TRIO: variants seen among roughly 807,000 people sequenced by gnomAD.
The protein encoded by TRIO is triple functional domain protein.
Under a neutral mutation model 351.9 loss-of-function variants are expected in TRIO, and 58 were observed. The observed-to-expected ratio is 0.16, with a 90% CI of 0.13 to 0.21. The LOEUF (loss-of-function observed/expected upper bound fraction) is 0.21, where lower values mean the gene tolerates loss of function less well. Among genes scored for constraint, TRIO ranks in the 10% least tolerant of loss-of-function variants. The probability of loss-of-function intolerance (pLI) is 1.00; values close to 1 mark genes in which losing one functional copy is unlikely to be tolerated. For missense variants in TRIO, 3,201 were observed against 4,027.8 expected (o/e 0.79, Z 5.56); for synonymous variants, 1,758 against 1,595.7 (o/e 1.10, Z -2.42).
At chr5:14,300,717 T>C (rs1278828724) in intron 7 of TRIO, among the ~76,000 whole-genome samples, 1 of 152,154 alleles carries the variant, frequency 6.6e-6, no homozygotes, top group Non-Finnish European at 1.5e-5. Flanking sequence ...TGATAATCTG[T>C]ATGGGGAGGG....
intron 53 of TRIO, 84 bp from the exon 54 acceptor site, chr5:14,502,495 G>A (rs1189743388): frequency 2.8e-6 from 4 of 1,412,020 alleles, no homozygotes; most frequent in South Asian, 1.2e-5. Context: ...CGCAGCTGCT[G>A]TGAGGGACAG....
intron 34 of TRIO, among the ~76,000 whole-genome samples, chr5:14,455,973 T>C (rs531806457): frequency 6.6e-6 from 1 of 152,232 alleles, no homozygotes; most frequent in Admixed American, 6.5e-5. Context: ...GCAGTGGGGC[T>C]TGGGCATGGT....
At chr5:14,373,883 T>C (rs1304789040) in intron 18 of TRIO, among the ~76,000 whole-genome samples, 1 of 152,188 alleles carries the variant, frequency 6.6e-6, no homozygotes, top group African/African-American at 2.4e-5. Flanking sequence ...GGTCACTCCT[T>C]AGGCTGTGAT....
intron 7 of TRIO, among the ~76,000 whole-genome samples, chr5:14,303,187 T>C (rs2244886): frequency 0.015 from 1,505 of 102,854 alleles, 16 homozygotes; most frequent in Middle Eastern, 0.047. Flanking sequence ...GCCGCAGGAC[T>C]GTTGATGATC....
chr5:14,241,093 T>C (rs1299479791), intron 1 of TRIO, among the ~76,000 whole-genome samples: 1 of 152,234 alleles, frequency 6.6e-6, no homozygotes, highest in Non-Finnish European at 1.5e-5. Flanking sequence ...TTTATCAGTG[T>C]TAGAATTAAG....
At chr5:14,330,456 T>G (rs1014998411) in intron 9 of TRIO, among the ~76,000 whole-genome samples, 2 of 152,198 alleles carry the variant, frequency 1.3e-5, no homozygotes, top group Non-Finnish European at 2.9e-5. Context: ...CAATACCCAG[T>G]CAGTTTGGTG....
chr5:14,437,683 A>ATC (rs1751693271), intron 34 of TRIO, among the ~76,000 whole-genome samples: 1 of 108,300 alleles, frequency 9.2e-6, no homozygotes, highest in Non-Finnish European at 1.8e-5. Flanking sequence ...TTGGATGAGG[A>ATC]CCACCCCCCC....
At chr5:14,463,636 C>A (rs1753996808) in intron 36 of TRIO, among the ~76,000 whole-genome samples, 1 of 151,598 alleles carries the variant, frequency 6.6e-6, no homozygotes, top group African/African-American at 2.4e-5. Flanking sequence ...CCCTATTGTG[C>A]CCCTCAAAAT....
Position 14,487,894 on chromosome 5 carries a change from C to G in TRIO, c.7266C>G (p.Ala2422=), listed in dbSNP as rs937815045. The G allele has an allele frequency of 4.5e-6, 7 of 1,539,850 alleles. No homozygotes were observed. Among genetic ancestry groups the G allele is most frequent in the South Asian group, 1.2e-5 (1 of 83,302 alleles). ...MKVLESPRKG[A]ANASGSSPDA... ...TGCTGGAGAGCCCCAGGAAAGGCGC[C>G]GCGAACGCCTCGGGGTCGAGCCCAG... Residue 2422 remains alanine, a synonymous_variant, in exon 48 of 57, where the codon GCC becomes GCG. Coordinates refer to ENST00000344204, the MANE Select transcript of TRIO (RefSeq NM_007118.4).
rs144341266 is a variant in TRIO at position 14,251,565 on chromosome 5, G to C, written c.158-19260G>C. Among the ~76,000 whole-genome samples, 478 of 152,330 alleles carry C rather than the reference G, an allele frequency of 3.1e-3. 1 individual carries two copies. The highest frequency in any genetic ancestry group is 0.011 in the African/African-American group (459 of 41,572). On this transcript the variant is annotated intron_variant, in intron 1 of 56. Coordinates refer to ENST00000344204, the MANE Select transcript of TRIO (RefSeq NM_007118.4). ...CTCCACAGCCACCTGCAGCCTTGGGGCACCAGAGGCTGGGCAGCCTCTTTG... is the reference window on the plus strand; with the variant it reads ...CTCCACAGCCACCTGCAGCCTTGGGCCACCAGAGGCTGGGCAGCCTCTTTG...
chr5:14,507,336 G>A, intron 56 of TRIO, 76 bp downstream of exon 56: 2 of 1,578,174 alleles, frequency 1.3e-6, no homozygotes, highest in Non-Finnish European at 8.5e-7. Flanking sequence ...AGCCCCCTCT[G>A]AAGCCAGGCC....
At position 14,504,416 on chromosome 5, in the gene TRIO, A is replaced by C; in HGVS notation, c.8435A>C (p.Lys2812Thr). ...AGGGGCAGATTCTCTGTCGTTAAGA[A>C]ATGTGATCAGAAAGGAACCAAGCGA... The part of the protein sequence containing the change: ...LGRGRFSVVK[K>T]CDQKGTKRAV... Residue 2812 changes from lysine to threonine, a missense_variant, in exon 55 of 57, where the codon AAA becomes ACA. Around this residue, in one of 19 missense-constraint regions of TRIO, gnomAD observed 1,089 missense variants for 954.9 expected, o/e 1.14. Coordinates refer to ENST00000344204, the MANE Select transcript of TRIO (RefSeq NM_007118.4). The C allele has an allele frequency of 6.2e-7, 1 of 1,614,162 alleles. No homozygotes were observed.
chr5:14,376,678 C>A (rs762853063), intron 19 of TRIO, among the ~76,000 whole-genome samples: 7 of 152,174 alleles, frequency 4.6e-5, no homozygotes, highest in Non-Finnish European at 1.0e-4. Context: ...GCCTATTTTC[C>A]ACTGTTCTAA....
In TRIO at chr5:14,492,819, G is replaced by A; in HGVS notation, c.7880+5G>A. On this transcript the variant is annotated splice_donor_5th_base_variant and intron_variant, in intron 49 of 56. Transcript: ENST00000344204. ...GAACCCGGACGGGACTCTCAAGTGA[G>A]TGCTTGACAGTAACGGCGTCCTGGC... 6.2e-7 allele frequency: 1 copy of A among 1,610,790 alleles called. No homozygotes were observed.
intron 1 of TRIO, among the ~76,000 whole-genome samples, chr5:14,231,801 G>A (rs1468102408): frequency 6.7e-6 from 1 of 150,108 alleles, no homozygotes; most frequent in Non-Finnish European, 1.5e-5. Flanking sequence ...GGGATTTCTT[G>A]TATTTCCTTG....
chr5:14,428,041 G>A (rs541985192), intron 34 of TRIO, among the ~76,000 whole-genome samples: 5 of 152,224 alleles, frequency 3.3e-5, no homozygotes, highest in African/African-American at 9.6e-5. Context: ...TTTTTCAGAG[G>A]ACTTGGTTTA....
At chr5:14,261,941 T>C (rs1795372716) in intron 1 of TRIO, among the ~76,000 whole-genome samples, 1 of 152,258 alleles carries the variant, frequency 6.6e-6, no homozygotes, top group South Asian at 2.1e-4. Context: ...GGAGTCACTT[T>C]AGCTTTTCAA....
At chr5:14,323,799 C>G (rs571919951) in intron 9 of TRIO, among the ~76,000 whole-genome samples, 1 of 152,304 alleles carries the variant, frequency 6.6e-6, no homozygotes, top group African/African-American at 2.4e-5. Context: ...ATATGAATTC[C>G]AGTAAACTCA....
intron 13 of TRIO, among the ~76,000 whole-genome samples, chr5:14,362,019 CAGG>C (rs1744195556): frequency 6.6e-6 from 1 of 152,134 alleles, no homozygotes; most frequent in Non-Finnish European, 1.5e-5. Context: ...GAGACTGAGA[CAGG>C]AGAATTGCTT....
Sources: gnomAD v4.1 joint callset for allele counts (sites outside exome capture counted in the v4.1 genomes callset) on GRCh38, gnomAD v4.1.1 for gene constraint, gnomAD v4.1.1 regional missense constraint, MANE v1.5 for transcripts, NCBI Gene and HGNC (gene_info 2026-07-23, HGNC 2026-07-21) for gene names.